ANKH: variants seen among roughly 807,000 people sequenced by gnomAD.
ANKH encodes ANKH inorganic pyrophosphate transport regulator, also known as mineralization regulator ANKH.
ANKH carries 15 observed loss-of-function variants against 49.0 expected under a neutral mutation model. That is an observed-to-expected ratio of 0.31 (90% CI 0.20 to 0.47). The LOEUF is 0.47. Ranked by LOEUF, ANKH falls within the 20% of genes least tolerant of loss-of-function variation. ANKH has a pLI of 1.00. For synonymous variants in ANKH, 273 were observed against 260.0 expected (o/e 1.05, Z -0.48); for missense variants, 429 against 652.0 (o/e 0.66, Z 3.72).
At chr5:14,715,723 G>A (rs1737425488) in intron 9 of ANKH, among the ~76,000 whole-genome samples, 1 of 152,078 alleles carries the variant, frequency 6.6e-6, no homozygotes, top group Non-Finnish European at 1.5e-5. Flanking sequence ...ACATACACGT[G>A]CTACATATTT....
intron 1 of ANKH, among the ~76,000 whole-genome samples, chr5:14,792,661 C>T (rs892320817): frequency 7.2e-5 from 11 of 151,818 alleles, no homozygotes; most frequent in African/African-American, 1.9e-4. Flanking sequence ...GACTACTCAT[C>T]CTTGAAGTTA....
chr5:14,790,512 T>C (rs1431241965), intron 1 of ANKH, among the ~76,000 whole-genome samples: 1 of 152,284 alleles, frequency 6.6e-6, no homozygotes, highest in Admixed American at 6.5e-5. Context: ...CATTAAAATA[T>C]ATCTGGAGTG....
chr5:14,823,911 CAA>C (rs1741266140), intron 1 of ANKH, among the ~76,000 whole-genome samples: 1 of 152,136 alleles, frequency 6.6e-6, no homozygotes, highest in Non-Finnish European at 1.5e-5. Context: ...GCCTGGGTGA[CAA>C]AGAGAGACTC....
At chr5:14,726,769 G>C (rs1737836099) in intron 8 of ANKH, among the ~76,000 whole-genome samples, 1 of 152,208 alleles carries the variant, frequency 6.6e-6, no homozygotes, top group South Asian at 2.1e-4. Flanking sequence ...ATTTCACCAG[G>C]GTGAATTGCC....
At chr5:14,738,883 C>T (rs754930549) in intron 8 of ANKH, among the ~76,000 whole-genome samples, 11 of 152,128 alleles carry the variant, frequency 7.2e-5, no homozygotes, top group Non-Finnish European at 1.6e-4. Context: ...CTGTCGGTAC[C>T]TTACTGACCG....
At position 14,706,160 on chromosome 5, in the gene ANKH, G is replaced by C. The variant is rs1736939330; in HGVS notation, c.*5037C>G. 1 of 152,146 alleles carries C rather than the reference G, an allele frequency of 6.6e-6. No individual in the cohort carries two copies. The highest frequency in any genetic ancestry group is 1.5e-5 in the Non-Finnish European group (1 of 68,020). 9.4% of individuals were successfully genotyped at this position (152,146 alleles called of 1,614,324 possible). A position where few individuals can be genotyped will look rare whatever the true frequency, so the allele number is the denominator to read the frequency against. Reference sequence around the variant, plus strand: ...TACATATTGTAGACGCTAATGTCAAGTCTTGTTAGTAAAGTGCACTTTAAG... The same window carrying C: ...TACATATTGTAGACGCTAATGTCAACTCTTGTTAGTAAAGTGCACTTTAAG... On this transcript the variant is annotated 3_prime_UTR_variant, in exon 12 of 12. Coordinates refer to ENST00000284268, the MANE Select transcript of ANKH (RefSeq NM_054027.6).
intron 8 of ANKH, among the ~76,000 whole-genome samples, chr5:14,721,393 G>T (rs1021497881): frequency 1.4e-4 from 22 of 152,180 alleles, no homozygotes; most frequent in African/African-American, 5.3e-4. Flanking sequence ...TCTTCGCGGG[G>T]TATCGGAACT....
intron 8 of ANKH, among the ~76,000 whole-genome samples, chr5:14,738,385 G>A (rs1343616388): frequency 6.6e-6 from 1 of 152,170 alleles, no homozygotes; most frequent in African/African-American, 2.4e-5. Flanking sequence ...GAGTCATTGG[G>A]TGTCTACAGG....
chr5:14,814,949 C>T (rs554074324), intron 1 of ANKH, among the ~76,000 whole-genome samples: 2 of 152,320 alleles, frequency 1.3e-5, no homozygotes, highest in Admixed American at 6.5e-5. Flanking sequence ...TTACTTTATC[C>T]GTACTTCAAA....
intron 6 of ANKH, 117 bp from the exon 7 acceptor site, chr5:14,746,079 C>T: frequency 2.6e-6 from 2 of 781,814 alleles, no homozygotes; most frequent in Admixed American, 4.0e-5. Context: ...GAGCCCGCTA[C>T]ACTGGGTGAC....
At chr5:14,824,166 A>G (rs1741275084) in intron 1 of ANKH, among the ~76,000 whole-genome samples, 1 of 152,152 alleles carries the variant, frequency 6.6e-6, no homozygotes, top group African/African-American at 2.4e-5. Context: ...CCTTGAAAGA[A>G]GGAAAAAAAA....
chr5:14,755,545 G>A (rs1434805966), intron 4 of ANKH, among the ~76,000 whole-genome samples: 6 of 152,202 alleles, frequency 3.9e-5, no homozygotes, highest in Non-Finnish European at 7.4e-5. Context: ...AAGACATGCC[G>A]AAAGGTACTA....
chr5:14,797,768 TG>T, intron 1 of ANKH: 1 of 1,611,174 alleles, frequency 6.2e-7, no homozygotes, highest in Non-Finnish European at 8.5e-7. Context: ...TTCCCTCCTT[TG>T]GAACGGCACT....
chr5:14,712,247 G>A (rs746666940), intron 11 of ANKH, among the ~76,000 whole-genome samples: 2 of 152,220 alleles, frequency 1.3e-5, no homozygotes, highest in Admixed American at 1.3e-4. Flanking sequence ...TGAGTGGCCT[G>A]GCCGTCACTC....
At chr5:14,774,957 A>C (rs1180003933) in intron 1 of ANKH, among the ~76,000 whole-genome samples, 1 of 152,198 alleles carries the variant, frequency 6.6e-6, no homozygotes, top group Admixed American at 6.5e-5. Flanking sequence ...TTATTCACAG[A>C]AAGTATGATT....
intron 1 of ANKH, among the ~76,000 whole-genome samples, chr5:14,799,469 A>T (rs1429564123): frequency 6.6e-6 from 1 of 152,208 alleles, no homozygotes; most frequent in East Asian, 1.9e-4. Flanking sequence ...AAGAGAGGTA[A>T]ATGTCTGGCT....
At chr5:14,775,553 C>T (rs1197624017) in intron 1 of ANKH, among the ~76,000 whole-genome samples, 7 of 152,104 alleles carry the variant, frequency 4.6e-5, no homozygotes, top group Admixed American at 2.6e-4. Flanking sequence ...AATGGCTGGA[C>T]ATTTTTTGCA....
chr5:14,820,085 A>T (rs1309509770), intron 1 of ANKH, among the ~76,000 whole-genome samples: 1 of 152,208 alleles, frequency 6.6e-6, no homozygotes, highest in Admixed American at 6.5e-5. Flanking sequence ...CCAGTATTTT[A>T]TAAGAAAGTA....
Position 14,711,168 on chromosome 5 carries a change from T to TC in ANKH, c.*28dup, listed in dbSNP as rs1347541839. On this transcript the variant is annotated 3_prime_UTR_variant, in exon 12 of 12. Transcript: ENST00000284268. ...GCCGAAGTGTCATCCTGACTGACTG[T>TC]CCCTGCAGTGCCCATGGCGTCCCGT... 6.5e-7 allele frequency: 1 copy of TC among 1,540,686 alleles called. No homozygotes were observed. The highest frequency in any genetic ancestry group is 1.1e-5 in the South Asian group (1 of 89,602).
Sources: allele counts gnomAD v4.1 joint callset (sites outside exome capture counted in the v4.1 genomes callset), GRCh38; gene constraint gnomAD v4.1.1; transcripts MANE v1.5; gene names NCBI Gene and HGNC (gene_info 2026-07-23, HGNC 2026-07-21).